CPEB4: variants seen among roughly 807,000 people sequenced by gnomAD.
CPEB4 encodes cytoplasmic polyadenylation element binding protein 4.
Under a neutral mutation model 72.5 loss-of-function variants are expected in CPEB4, and 12 were observed. The ratio of observed to expected loss-of-function variants is 0.17; its 90% CI spans 0.11 to 0.27. The LOEUF (loss-of-function observed/expected upper bound fraction) is 0.27, where lower values mean the gene tolerates loss of function less well. Ranked by LOEUF, CPEB4 falls within the 10% of genes least tolerant of loss-of-function variation. CPEB4 has a pLI of 1.00. For missense variants in CPEB4, 614 were observed against 908.5 expected, an observed-to-expected ratio of 0.68 and a Z score of 4.17; for synonymous variants, 302 against 326.3, an observed-to-expected ratio of 0.93 and a Z score of 0.80.
intron 9 of CPEB4, among the ~76,000 whole-genome samples, chr5:173,954,960 A>G (rs990770731): frequency 6.6e-6 from 1 of 150,912 alleles, no homozygotes; most frequent in African/African-American, 2.4e-5. Context: ...TTTTAGAGGG[A>G]GGGTCTCACT....
At chr5:173,947,493 G>T (rs532726490) in intron 5 of CPEB4, among the ~76,000 whole-genome samples, 2 of 152,128 alleles carry the variant, frequency 1.3e-5, no homozygotes, top group Admixed American at 6.5e-5. Context: ...GAAGGTAGAG[G>T]AGGCTATAGG....
intron 8 of CPEB4, among the ~76,000 whole-genome samples, chr5:173,952,673 A>G (rs1360195336): frequency 1.3e-5 from 2 of 152,214 alleles, no homozygotes; most frequent in Non-Finnish European, 2.9e-5. Flanking sequence ...TCTACCAGTT[A>G]GTTTTCTAGT....
chr5:173,952,084 T>C, intron 8 of CPEB4, 146 bp downstream of exon 8: 1 of 615,252 alleles, frequency 1.6e-6, no homozygotes, highest in Non-Finnish European at 2.9e-6. Flanking sequence ...TCATGTGTTC[T>C]AATAGTTAAG....
intron 2 of CPEB4, among the ~76,000 whole-genome samples, chr5:173,917,322 T>C (rs1756903214): frequency 6.6e-6 from 1 of 152,238 alleles, no homozygotes; most frequent in Non-Finnish European, 1.5e-5. Flanking sequence ...TAAATTGGTT[T>C]GCCTGTGGCA....
At chr5:173,907,170 G>A (rs1278257398) in intron 1 of CPEB4, among the ~76,000 whole-genome samples, 1 of 152,192 alleles carries the variant, frequency 6.6e-6, no homozygotes, top group African/African-American at 2.4e-5. Flanking sequence ...AGGAGGCTGA[G>A]GCAGGAGAGT....
At chr5:173,920,515 G>C (rs544806128) in intron 2 of CPEB4, among the ~76,000 whole-genome samples, 31 of 152,298 alleles carry the variant, frequency 2.0e-4, no homozygotes, top group African/African-American at 7.2e-4. Context: ...GTAATGATCG[G>C]AAGTTGTTAG....
At chr5:173,943,506 A>G (rs181207747) in intron 4 of CPEB4, among the ~76,000 whole-genome samples, 4 of 152,150 alleles carry the variant, frequency 2.6e-5, no homozygotes, top group Admixed American at 6.6e-5. Flanking sequence ...TTAAAATGAG[A>G]TGAGCTAAAT....
intron 1 of CPEB4, among the ~76,000 whole-genome samples, chr5:173,894,491 G>A (rs2113122854): frequency 6.6e-6 from 1 of 151,476 alleles, no homozygotes; most frequent in East Asian, 2.0e-4. Context: ...CGTGGTGGTG[G>A]GTGCCTGTAA....
intron 2 of CPEB4, among the ~76,000 whole-genome samples, chr5:173,917,363 T>G (rs1756905368): frequency 6.6e-6 from 1 of 152,226 alleles, no homozygotes. Context: ...TACCCTAACC[T>G]CCAACCTTTT....
intron 7 of CPEB4, among the ~76,000 whole-genome samples, chr5:173,951,262 G>A (rs1414802448): frequency 6.6e-6 from 1 of 152,006 alleles, no homozygotes; most frequent in Non-Finnish European, 1.5e-5. Context: ...TTTAAATGAG[G>A]TACATGATTC....
At chr5:173,921,560 G>A (rs901474408) in intron 2 of CPEB4, among the ~76,000 whole-genome samples, 4 of 152,154 alleles carry the variant, frequency 2.6e-5, no homozygotes, top group Non-Finnish European at 5.9e-5. Flanking sequence ...GCAGGGTTAA[G>A]AATATGGGCT....
In CPEB4 at chr5:173,922,696, G is replaced by A. The variant is rs1414348375; in HGVS notation, c.1208-9754G>A. ...TTGACTTGTTCTCTTCCCTGATTCT[G>A]ATTCACCAGATTTGCCATGGGACTT... On this transcript the variant is annotated intron_variant, in intron 2 of 9. Coordinates refer to ENST00000265085, the MANE Select transcript of CPEB4 (RefSeq NM_030627.4). 2.0e-5 allele frequency among the ~76,000 whole-genome samples: 3 copies of A among 152,210 alleles called. No homozygotes were observed. The East Asian group carries it at 5.8e-4, about 29-fold the overall frequency.
At chr5:173,951,067 C>T (rs887577170) in intron 7 of CPEB4, among the ~76,000 whole-genome samples, 2 of 152,170 alleles carry the variant, frequency 1.3e-5, no homozygotes, top group Non-Finnish European at 2.9e-5. Context: ...CAGAAACTTT[C>T]GAAGAGTTCC....
At position 173,950,566 on chromosome 5, in the gene CPEB4, T is replaced by C. The variant is rs1402973776; in HGVS notation, c.1665+488T>C. Among the ~76,000 whole-genome samples the C allele has an allele frequency of 2.0e-5, 3 of 151,872 alleles. No homozygotes were observed. Among genetic ancestry groups the C allele is most frequent in the Non-Finnish European group, 4.4e-5 (3 of 67,982 alleles). ...GTTGCAGTGAGCAGAGATTGCACCA[T>C]TGCACTCCAGCCTGGGTGAAAAGTG... On this transcript the variant is annotated intron_variant, in intron 7 of 9. Transcript: ENST00000265085. This position sits in a 1 kb window ranked among gnomAD's most constrained non-coding sequence, Gnocchi z 5.0.
chr5:173,928,856 C>CG (rs1757341064), intron 2 of CPEB4, among the ~76,000 whole-genome samples: 1 of 151,956 alleles, frequency 6.6e-6, no homozygotes, highest in Non-Finnish European at 1.5e-5. Context: ...AGAGAATTTA[C>CG]GGAAGAGTAG....
intron 2 of CPEB4, among the ~76,000 whole-genome samples, chr5:173,919,622 TGAA>T (rs577073263): frequency 1.2e-3 from 177 of 152,338 alleles, no homozygotes; most frequent in African/African-American, 4.1e-3. Flanking sequence ...TTGTTGTCTA[TGAA>T]GGTCTTAAGG....
rs761403817 is a variant in CPEB4 at position 173,890,018 on chromosome 5, G to C, written c.285G>C (p.Gln95His). Residue 95 changes from glutamine (Q) to histidine (H), a missense_variant, in exon 1 of 10, where the codon CAG becomes CAC. Physicochemically the swap from Gln to His is conservative, Grantham distance 24. Around this residue, in one of 5 missense-constraint regions of CPEB4, gnomAD observed 458 missense variants for 548.6 expected, o/e 0.83. Coordinates refer to ENST00000265085, the MANE Select transcript of CPEB4 (RefSeq NM_030627.4). ...AGCAAGACCCCTTAGAAAAGCAGCA[G>C]CTTTCCCCAAGTCCAGGTCAGGAAG... ...QEQQDPLEKQ[Q>H]LSPSPGQEAG... The C allele has an allele frequency of 3.7e-6, 6 of 1,614,072 alleles. No homozygotes were observed. The South Asian group carries it at 6.6e-5, about 18-fold the overall frequency.
At chr5:173,946,953 C>T (rs1351306274) in intron 5 of CPEB4, among the ~76,000 whole-genome samples, 2 of 151,884 alleles carry the variant, frequency 1.3e-5, no homozygotes, top group Admixed American at 6.6e-5. Context: ...GCATGTTAAC[C>T]TTTTTCCCCC....
At chr5:173,942,703 A>G (rs909700545) in intron 3 of CPEB4, among the ~76,000 whole-genome samples, 1 of 152,226 alleles carries the variant, frequency 6.6e-6, no homozygotes, top group Non-Finnish European at 1.5e-5. Context: ...ATATGGTAAT[A>G]GTTGGTTTTT....
Sources: allele counts gnomAD v4.1 joint callset (sites outside exome capture counted in the v4.1 genomes callset), GRCh38; gene constraint gnomAD v4.1.1; regional missense constraint gnomAD v4.1.1; non-coding constraint Gnocchi (gnomAD v3.1); transcripts MANE v1.5; gene names NCBI Gene and HGNC (gene_info 2026-07-23, HGNC 2026-07-21).